The following USP40 variants were observed in gnomAD, a reference collection of about 807,000 sequenced individuals.
USP40 encodes the protein ubiquitin specific peptidase 40.
A neutral mutation model predicts 166.2 loss-of-function variants in USP40; 143 were observed. That is an observed-to-expected ratio of 0.86 (90% confidence interval 0.75 to 0.99). USP40 has a LOEUF of 0.99. Among genes scored for constraint, USP40 ranks in the 50% least tolerant of loss-of-function variants. The pLI, the probability that USP40 is intolerant of heterozygous loss-of-function variation, is 0.00. For synonymous variants in USP40, 498 were observed against 524.0 expected (o/e 0.95, Z 0.68); for missense variants, 1,444 against 1,479.7 (o/e 0.98, Z 0.40).
Position 233,540,672 on chromosome 2 carries a change from G to T in USP40, c.1160C>A (p.Pro387Gln), listed in dbSNP as rs763398592. Residue 387 changes from proline to glutamine, a missense_variant, in exon 10 of 32, where the codon CCA (proline) becomes CAA (glutamine). Transcript: ENST00000678225. The part of the protein sequence containing the change: ...WNKKYRKQHG[P>Q]LRKFLQLHSQ... ...GATGCCATGTATTACCTTCCGCAGTGGTCCATGCTGTTTTCTGTACTTCTT... is the reference window on the plus strand; with the variant it reads ...GATGCCATGTATTACCTTCCGCAGTTGTCCATGCTGTTTTCTGTACTTCTT... The T allele has an allele frequency of 6.2e-7, 1 of 1,609,720 alleles. No homozygotes were observed. Among genetic ancestry groups the T allele is most frequent in the Non-Finnish European group, 8.5e-7 (1 of 1,177,108 alleles).
At chr2:233,521,345 T>C (rs2067641770) in intron 16 of USP40, among the ~76,000 whole-genome samples, 1 of 152,216 alleles carries the variant, frequency 6.6e-6, no homozygotes, top group African/African-American at 2.4e-5. Flanking sequence ...GCCACATTTT[T>C]CACAGAGAAC....
chr2:233,554,098 T>C (rs766317311), intron 6 of USP40, among the ~76,000 whole-genome samples: 15 of 152,088 alleles, frequency 9.9e-5, no homozygotes, highest in Non-Finnish European at 1.9e-4. Context: ...TAAAAATATA[T>C]ACAACTTTTT....
At chr2:233,556,803 T>C (rs374491288) in intron 5 of USP40, 52 bp downstream of exon 5, 3 of 1,497,380 alleles carry the variant, frequency 2.0e-6, no homozygotes, top group East Asian at 4.7e-5. Context: ...TTTAATTACA[T>C]GGATTATAAT....
In USP40 at chr2:233,486,077, GTTTTTA is replaced by G; in HGVS notation, c.3198-106_3198-101del. On this transcript the variant is annotated intron_variant, in intron 28 of 31. Coordinates refer to ENST00000678225, the MANE Select transcript of USP40 (RefSeq NM_001365479.2). This position sits in a 1 kb window ranked among gnomAD's most constrained non-coding sequence, Gnocchi z 4.0. ...CAAAGCTTCTCCTCCAGCTTTTCTG[GTTTTTA>G]TAAGGAGAGATTTTTCCCTAAATGC... 1.5e-6 allele frequency: 2 copies of G among 1,316,318 alleles called. No homozygotes were observed. Among genetic ancestry groups the G allele is most frequent in the African/African-American group, 3.0e-5 (2 of 65,942 alleles). The allele number at this position is 1,316,318 out of a possible 1,614,324, so 81.5% of individuals were successfully genotyped here.
chr2:233,483,737 G>A (rs762150089), intron 30 of USP40, among the ~76,000 whole-genome samples: 19 of 152,050 alleles, frequency 1.2e-4, no homozygotes, highest in South Asian at 2.1e-4. Flanking sequence ...AGGCTCGACC[G>A]TTAAGTATAA....
intron 18 of USP40, among the ~76,000 whole-genome samples, chr2:233,515,507 C>T (rs866236614): frequency 1.3e-5 from 2 of 151,226 alleles, no homozygotes; most frequent in African/African-American, 4.9e-5. Context: ...TTCATAGGTA[C>T]GTCTTCTTTT....
At position 233,480,852 on chromosome 2, in the gene USP40, G is replaced by C. The variant is rs575332172; in HGVS notation, c.3599+351C>G. On this transcript the variant is annotated intron_variant, in intron 31 of 31. Coordinates refer to ENST00000678225, the MANE Select transcript of USP40 (RefSeq NM_001365479.2). This position sits in a 1 kb window ranked among gnomAD's most constrained non-coding sequence, Gnocchi z 4.5. Reference sequence around the variant, plus strand: ...GCTGAGGTGGCAGCAAGACGGGGTGGTTCTGGAGACCTGAGGGTGTGGGAA... The same window carrying C: ...GCTGAGGTGGCAGCAAGACGGGGTGCTTCTGGAGACCTGAGGGTGTGGGAA... 6.6e-6 allele frequency among the ~76,000 whole-genome samples: 1 copy of C among 152,300 alleles called. No homozygotes were observed. Among genetic ancestry groups the C allele is most frequent in the African/African-American group, 2.4e-5 (1 of 41,558 alleles).
intron 3 of USP40, among the ~76,000 whole-genome samples, chr2:233,561,489 T>C (rs1575353323): frequency 6.7e-6 from 1 of 149,442 alleles, no homozygotes; most frequent in Admixed American, 6.7e-5. Flanking sequence ...ATTTAATAAA[T>C]GGTGCTGGGA....
intron 12 of USP40, among the ~76,000 whole-genome samples, 186 bp downstream of exon 12, chr2:233,529,245 C>G (rs1211201650): frequency 6.6e-5 from 10 of 152,204 alleles, no homozygotes; most frequent in African/African-American, 1.9e-4. Context: ...TTCACTCTCA[C>G]ACATAAGGGA....
At chr2:233,530,183 C>T (rs2068400248) in intron 11 of USP40, among the ~76,000 whole-genome samples, 1 of 146,950 alleles carries the variant, frequency 6.8e-6, no homozygotes, top group Non-Finnish European at 1.5e-5. Context: ...GAAATAGATA[C>T]TGCTCATAAT....
At chr2:233,512,534 T>C in intron 19 of USP40, 35 bp downstream of exon 19, 1 of 1,502,890 alleles carries the variant, frequency 6.7e-7, no homozygotes, top group Non-Finnish European at 9.0e-7. Context: ...CAGACGAGTA[T>C]AAGCCACCTT....
chr2:233,566,751 G>A lies in USP40; in HGVS notation c.-87C>T, dbSNP rs1160399640. Reference sequence around the variant, plus strand: ...AACGAACCCGCCCCAACTGGGCGCCGCCATGTTGGCGAGGGCGGGTCTCCA... The same window carrying A: ...AACGAACCCGCCCCAACTGGGCGCCACCATGTTGGCGAGGGCGGGTCTCCA... On this transcript the variant is annotated 5_prime_UTR_variant, in exon 1 of 32. Coordinates refer to ENST00000678225, the MANE Select transcript of USP40 (RefSeq NM_001365479.2). 4.1e-6 allele frequency: 4 copies of A among 985,842 alleles called. No individual in the cohort carries two copies. Among genetic ancestry groups the A allele is most frequent in the African/African-American group, 1.7e-5 (1 of 57,264 alleles). The allele number at this position is 985,842 out of a possible 1,614,324, so 61.1% of individuals were successfully genotyped here.
intron 24 of USP40, among the ~76,000 whole-genome samples, chr2:233,495,014 T>A (rs1469487831): frequency 1.7e-4 from 21 of 124,446 alleles, no homozygotes; most frequent in Middle Eastern, 4.1e-3. Flanking sequence ...TAAATAAATA[T>A]ATAAAATAAA....
At chr2:233,566,424 T>C (rs111249647) in intron 1 of USP40, among the ~76,000 whole-genome samples, 2 of 152,210 alleles carry the variant, frequency 1.3e-5, no homozygotes, top group East Asian at 3.9e-4. Context: ...CTCGAGAGTC[T>C]AGCCTCGAGC....
chr2:233,557,069 A>T, intron 4 of USP40, 50 bp from the exon 5 acceptor site: 1 of 1,501,368 alleles, frequency 6.7e-7, no homozygotes, highest in Non-Finnish European at 9.0e-7. Flanking sequence ...AGATTTTTTA[A>T]AACATTAAAA....
At chr2:233,561,166 A>T in intron 3 of USP40, 2 of 1,577,296 alleles carry the variant, frequency 1.3e-6, no homozygotes, top group East Asian at 4.6e-5. Flanking sequence ...ATACCTTTGC[A>T]TCGGGTTTAT....
At position 233,527,317 on chromosome 2, in the gene USP40, A is replaced by G. The variant is rs556108334; in HGVS notation, c.1725+90T>C. The G allele has an allele frequency of 2.7e-4, 378 of 1,420,330 alleles. 3 individuals are homozygous for G. The highest frequency in any genetic ancestry group is 5.2e-4 in the Middle Eastern group (2 of 3,858). The allele number at this position is 1,420,330 out of a possible 1,614,324, so 88.0% of individuals were successfully genotyped here. The stretch of plus-strand genomic sequence containing the variant: ...AGATCTTCCTAAGCAGCTTTGAAAA[A>G]TAAAGTTGTATCCTAAACAGAATGA... On this transcript the variant is annotated intron_variant, in intron 13 of 31. Transcript: ENST00000678225.
chr2:233,528,243 T>G (rs2068209741), intron 12 of USP40, among the ~76,000 whole-genome samples: 1 of 152,096 alleles, frequency 6.6e-6, no homozygotes, highest in Non-Finnish European at 1.5e-5. Context: ...CCTCCTAAAT[T>G]GCTGGGATTA....
intron 8 of USP40, among the ~76,000 whole-genome samples, chr2:233,543,474 T>C (rs1479402407): frequency 6.6e-6 from 1 of 151,962 alleles, no homozygotes; most frequent in Non-Finnish European, 1.5e-5. Context: ...ATGGCCAGAG[T>C]AGTTAGGTTC....
Sources: gnomAD v4.1 joint callset for allele counts (sites outside exome capture counted in the v4.1 genomes callset) on GRCh38, gnomAD v4.1.1 for gene constraint, Gnocchi (gnomAD v3.1) non-coding constraint, MANE v1.5 for transcripts, NCBI Gene and HGNC (gene_info 2026-07-23, HGNC 2026-07-21) for gene names.